Variants in DNAJC1 observed in about 807,000 individuals in gnomAD.
DNAJC1 encodes DnaJ heat shock protein family (Hsp40) member C1.
A neutral mutation model predicts 76.6 loss-of-function variants in DNAJC1; 58 were observed. The observed-to-expected ratio is 0.76, with a 90% CI of 0.61 to 0.94. The LOEUF is 0.94. DNAJC1 is among the 40% of genes least tolerant of loss of function. DNAJC1 has a pLI of 0.00. For synonymous variants in DNAJC1, 258 were observed against 267.9 expected, an observed-to-expected ratio of 0.96 and a Z score of 0.36; for missense variants, 689 against 677.3, an observed-to-expected ratio of 1.02 and a Z score of -0.19.
intron 7 of DNAJC1, among the ~76,000 whole-genome samples, chr10:21,903,205 C>T (rs576561936): frequency 7.2e-5 from 11 of 152,292 alleles, no homozygotes; most frequent in Admixed American, 2.6e-4. Flanking sequence ...AGGCGTAAGC[C>T]ACTGCGCCTG....
At chr10:21,992,510 G>C (rs12257068) in intron 1 of DNAJC1, among the ~76,000 whole-genome samples, 11,847 of 151,734 alleles carry the variant, frequency 0.078, 1,500 homozygotes, top group African/African-American at 0.27. Context: ...CAGAGATTGT[G>C]CCACTGCACT....
chr10:21,903,115 C>T (rs749781821), intron 7 of DNAJC1, among the ~76,000 whole-genome samples: 3 of 151,974 alleles, frequency 2.0e-5, no homozygotes, highest in Admixed American at 6.6e-5. Context: ...TTAGTAGAGA[C>T]GGGGTTTTTA....
chr10:21,760,244 C>T (rs569432573), intron 10 of DNAJC1, among the ~76,000 whole-genome samples: 6 of 152,326 alleles, frequency 3.9e-5, no homozygotes, highest in African/African-American at 1.4e-4. Flanking sequence ...GATCACGCCA[C>T]TGTGCTTCAG....
intron 4 of DNAJC1, among the ~76,000 whole-genome samples, chr10:21,920,284 T>C (rs1837020079): frequency 6.6e-6 from 1 of 152,158 alleles, no homozygotes; most frequent in Admixed American, 6.5e-5. Flanking sequence ...ATAAATATGT[T>C]TGATTATCTT....
intron 7 of DNAJC1, among the ~76,000 whole-genome samples, chr10:21,900,313 A>T (rs902556975): frequency 6.6e-6 from 1 of 151,548 alleles, no homozygotes; most frequent in Non-Finnish European, 1.5e-5. Context: ...ACTGCACTTG[A>T]GCCTGGGTGG....
At chr10:21,835,623 G>A (rs1333616048) in intron 8 of DNAJC1, among the ~76,000 whole-genome samples, 2 of 152,168 alleles carry the variant, frequency 1.3e-5, no homozygotes, top group Non-Finnish European at 2.9e-5. Context: ...ATGCAGTGAA[G>A]TCCTTAAAGG....
intron 8 of DNAJC1, among the ~76,000 whole-genome samples, chr10:21,873,676 T>C (rs1050295875): frequency 2.0e-5 from 3 of 151,990 alleles, no homozygotes; most frequent in Non-Finnish European, 4.4e-5. Context: ...TATGGAAAAA[T>C]AAATGCCAAG....
At chr10:21,877,698 A>G (rs1836208431) in intron 8 of DNAJC1, among the ~76,000 whole-genome samples, 2 of 152,342 alleles carry the variant, frequency 1.3e-5, no homozygotes, top group East Asian at 3.9e-4. Context: ...TACCTGGAAT[A>G]TTCATATCCT....
At chr10:21,815,335 A>G (rs1835057469) in intron 8 of DNAJC1, among the ~76,000 whole-genome samples, 1 of 152,208 alleles carries the variant, frequency 6.6e-6, no homozygotes, top group African/African-American at 2.4e-5. Context: ...GTTCTTGATG[A>G]TCAAACTGCA....
chr10:21,761,338 T>A (rs1834238172), intron 10 of DNAJC1, among the ~76,000 whole-genome samples: 1 of 152,136 alleles, frequency 6.6e-6, no homozygotes, highest in Admixed American at 6.6e-5. Flanking sequence ...GCAGGGGGGA[T>A]CCCCTGAGGT....
intron 1 of DNAJC1, among the ~76,000 whole-genome samples, chr10:21,977,408 G>A (rs939261430): frequency 6.6e-6 from 1 of 152,082 alleles, no homozygotes; most frequent in African/African-American, 2.4e-5. Flanking sequence ...TCCTTATTTT[G>A]TAGACATCCA....
At chr10:21,888,301 T>A (rs1836400236) in intron 7 of DNAJC1, among the ~76,000 whole-genome samples, 1 of 152,132 alleles carries the variant, frequency 6.6e-6, no homozygotes, top group Admixed American at 6.6e-5. Context: ...TGAAAATTAG[T>A]TCAACCATTA....
intron 8 of DNAJC1, among the ~76,000 whole-genome samples, chr10:21,806,457 G>C (rs1834884540): frequency 6.6e-6 from 1 of 151,308 alleles, no homozygotes; most frequent in African/African-American, 2.4e-5. Context: ...GCTATAAAAT[G>C]CAGTGCTGCT....
chr10:21,804,226 T>C (rs1471424349), intron 9 of DNAJC1, among the ~76,000 whole-genome samples: 2 of 152,218 alleles, frequency 1.3e-5, no homozygotes, highest in East Asian at 3.9e-4. Context: ...CTCAGTTTCC[T>C]ATCTGCCTTT....
At chr10:21,914,146 T>A (rs1317650654) in intron 6 of DNAJC1, among the ~76,000 whole-genome samples, 1 of 152,236 alleles carries the variant, frequency 6.6e-6, no homozygotes, top group Admixed American at 6.5e-5. Context: ...TATAGAAATA[T>A]CCATGCATCT....
At chr10:21,815,671 A>G (rs1471457615) in intron 8 of DNAJC1, among the ~76,000 whole-genome samples, 3 of 151,526 alleles carry the variant, frequency 2.0e-5, no homozygotes, top group Non-Finnish European at 4.4e-5. Flanking sequence ...CTATTTCTCT[A>G]TTTTTTTATG....
At chr10:21,962,792 A>T (rs926551577) in intron 1 of DNAJC1, among the ~76,000 whole-genome samples, 2 of 151,602 alleles carry the variant, frequency 1.3e-5, no homozygotes, top group Non-Finnish European at 2.9e-5. Flanking sequence ...CACATTATTT[A>T]AAATTTCCCT....
intron 9 of DNAJC1, among the ~76,000 whole-genome samples, chr10:21,786,449 TATATATATATATATAGAGAGAGAGAG>T (rs1205443430): frequency 3.7e-5 from 4 of 107,742 alleles, no homozygotes; most frequent in South Asian, 2.9e-4. Flanking sequence ...TATATATATA[TATATATATATATATAGAGAGAGAGAG>T]AGAGAGAGAG....
intron 7 of DNAJC1, among the ~76,000 whole-genome samples, chr10:21,895,606 T>G (rs193129990): frequency 6.6e-6 from 1 of 152,320 alleles, no homozygotes; most frequent in East Asian, 1.9e-4. Flanking sequence ...TAAAAAATTC[T>G]CAGCCTGGTC....
Sources: gnomAD v4.1 joint callset for allele counts (sites outside exome capture counted in the v4.1 genomes callset) on GRCh38, gnomAD v4.1.1 for gene constraint, MANE v1.5 for transcripts, NCBI Gene and HGNC (gene_info 2026-07-23, HGNC 2026-07-21) for gene names.